The following ITGBL1 variants were observed in gnomAD, a reference collection of about 807,000 sequenced individuals.
The protein encoded by ITGBL1 is integrin beta-like protein 1.
In ITGBL1, 51 loss-of-function variants were observed where a neutral mutation model predicts 68.5. The observed-to-expected ratio is 0.74, with a 90% CI of 0.59 to 0.94. ITGBL1 has a LOEUF of 0.94. ITGBL1 is among the 40% of genes least tolerant of loss of function. The pLI is 0.00. For missense variants in ITGBL1, 649 were observed against 647.4 expected (o/e 1.00, Z -0.03); for synonymous variants, 209 against 227.3 (o/e 0.92, Z 0.72).
intron 2 of ITGBL1, among the ~76,000 whole-genome samples, chr13:101,479,659 T>A (rs1378245429): frequency 2.0e-5 from 3 of 151,782 alleles, no homozygotes; most frequent in Non-Finnish European, 4.4e-5. Context: ...AAGATCTGAA[T>A]GGATATTTTT....
At chr13:101,604,845 A>AACAT (rs1260285287) in intron 7 of ITGBL1, among the ~76,000 whole-genome samples, 2 of 29,362 alleles carry the variant, frequency 6.8e-5, no homozygotes, top group African/African-American at 1.1e-4. Context: ...AGGTGAAGGC[A>AACAT]ATATATATAT....
intron 5 of ITGBL1, among the ~76,000 whole-genome samples, chr13:101,581,653 G>T (rs976478092): frequency 6.6e-6 from 1 of 152,176 alleles, no homozygotes; most frequent in Non-Finnish European, 1.5e-5. Context: ...GTCCATATGT[G>T]TGTACCATTA....
chr13:101,566,972 G>A (rs777097015), intron 2 of ITGBL1, among the ~76,000 whole-genome samples: 3 of 152,012 alleles, frequency 2.0e-5, no homozygotes, highest in Non-Finnish European at 2.9e-5. Context: ...CATTCTTTGA[G>A]GACAAGGACC....
intron 7 of ITGBL1, among the ~76,000 whole-genome samples, chr13:101,627,157 C>T (rs988387082): frequency 6.6e-6 from 1 of 152,162 alleles, no homozygotes; most frequent in Non-Finnish European, 1.5e-5. Context: ...CACTGCTTCT[C>T]AAAGTGTAGT....
At chr13:101,470,335 A>T (rs865831791) in intron 2 of ITGBL1, among the ~76,000 whole-genome samples, 263 of 146,322 alleles carry the variant, frequency 1.8e-3, no homozygotes, top group African/African-American at 6.0e-3. Flanking sequence ...TAATTAATTT[A>T]TTTTTTTTTT....
intron 2 of ITGBL1, among the ~76,000 whole-genome samples, chr13:101,477,503 A>T (rs2048554989): frequency 6.6e-6 from 1 of 151,996 alleles, no homozygotes; most frequent in South Asian, 2.1e-4. Flanking sequence ...AATAAATGAG[A>T]TCAAATTAAA....
intron 2 of ITGBL1, among the ~76,000 whole-genome samples, chr13:101,538,176 A>C (rs1384273738): frequency 6.6e-6 from 1 of 152,094 alleles, no homozygotes. Flanking sequence ...ATAGTAGGAA[A>C]ATAGGATTTG....
intron 7 of ITGBL1, among the ~76,000 whole-genome samples, chr13:101,660,035 T>A (rs898796648): frequency 1.3e-5 from 2 of 152,156 alleles, no homozygotes; most frequent in Admixed American, 1.3e-4. Flanking sequence ...GTAGGGTGTT[T>A]AGGAGCCTCC....
intron 8 of ITGBL1, among the ~76,000 whole-genome samples, chr13:101,697,759 C>T (rs189559531): frequency 9.9e-5 from 15 of 152,212 alleles, no homozygotes; most frequent in African/African-American, 2.4e-4. Context: ...GACATAAAGA[C>T]GGAAATGTGC....
chr13:101,704,297 A>G lies in ITGBL1; in HGVS notation c.1133-2459A>G, dbSNP rs1340325160. Among the ~76,000 whole-genome samples, 3 of 152,062 alleles carry G rather than the reference A, an allele frequency of 2.0e-5. No individual in the cohort carries two copies. In the East Asian group the frequency reaches 5.8e-4, roughly 29 times the overall value. On this transcript the variant is annotated intron_variant, in intron 8 of 10. Coordinates refer to ENST00000376180, the MANE Select transcript of ITGBL1 (RefSeq NM_004791.3). ...GGTATTAAGTGGGGATGCTAATAGAACACAAAGTGTGGAATCATGAAAGGG... is the reference window on the plus strand; with the variant it reads ...GGTATTAAGTGGGGATGCTAATAGAGCACAAAGTGTGGAATCATGAAAGGG...
intron 7 of ITGBL1, among the ~76,000 whole-genome samples, chr13:101,617,692 C>G (rs1471960669): frequency 6.6e-6 from 1 of 152,086 alleles, no homozygotes; most frequent in African/African-American, 2.4e-5. Context: ...CTACATGACT[C>G]TAACCTAATA....
At chr13:101,647,446 G>A (rs2032596191) in intron 7 of ITGBL1, among the ~76,000 whole-genome samples, 1 of 152,040 alleles carries the variant, frequency 6.6e-6, no homozygotes, top group African/African-American at 2.4e-5. Flanking sequence ...GCAGACCAAT[G>A]CTACTGACAA....
chr13:101,652,979 C>A (rs1225841237), intron 7 of ITGBL1, among the ~76,000 whole-genome samples: 1 of 151,926 alleles, frequency 6.6e-6, no homozygotes, highest in Non-Finnish European at 1.5e-5. Flanking sequence ...TGCCTGTAAT[C>A]CAGCTACTCG....
intron 2 of ITGBL1, among the ~76,000 whole-genome samples, chr13:101,493,313 A>G (rs995945969): frequency 6.6e-6 from 1 of 152,096 alleles, no homozygotes; most frequent in Admixed American, 6.6e-5. Context: ...AAGGCTGGGT[A>G]TCTTTAAGAA....
intron 7 of ITGBL1, among the ~76,000 whole-genome samples, chr13:101,642,909 T>G (rs1235155982): frequency 1.3e-5 from 2 of 151,054 alleles, no homozygotes; most frequent in Admixed American, 6.6e-5. Flanking sequence ...CTCTGTTCTG[T>G]TCCATTGATC....
At chr13:101,605,147 CAT>C (rs1325266525) in intron 7 of ITGBL1, among the ~76,000 whole-genome samples, 1 of 121,976 alleles carries the variant, frequency 8.2e-6, no homozygotes, top group Non-Finnish European at 1.7e-5. Flanking sequence ...TGTATATATA[CAT>C]ATGTGTGTGT....
At chr13:101,470,262 T>C (rs1331725776) in intron 2 of ITGBL1, among the ~76,000 whole-genome samples, 1 of 152,194 alleles carries the variant, frequency 6.6e-6, no homozygotes, top group Non-Finnish European at 1.5e-5. Context: ...TAAATAATTA[T>C]TTAATGCATG....
At chr13:101,577,626 C>A (rs2050384936) in intron 4 of ITGBL1, among the ~76,000 whole-genome samples, 1 of 152,112 alleles carries the variant, frequency 6.6e-6, no homozygotes. Context: ...ACTTATGTTG[C>A]ACCTTCTGTA....
chr13:101,634,941 G>GGTGTGTGT (rs59309809), intron 7 of ITGBL1, among the ~76,000 whole-genome samples: 3,334 of 145,872 alleles, frequency 0.023, 52 homozygotes, highest in East Asian at 0.052. Context: ...ATAAGCAAAA[G>GGTGTGTGT]GTGTGTGTGT....
Sources: allele counts gnomAD v4.1 joint callset (sites outside exome capture counted in the v4.1 genomes callset), GRCh38; gene constraint gnomAD v4.1.1; transcripts MANE v1.5; gene names NCBI Gene and HGNC (gene_info 2026-07-23, HGNC 2026-07-21).